PLXNA4: variants seen among roughly 807,000 people sequenced by gnomAD.
The protein encoded by PLXNA4 is plexin-A4.
In PLXNA4, 44 loss-of-function variants were observed where a neutral mutation model predicts 191.8. The ratio of observed to expected loss-of-function variants is 0.23; its 90% CI spans 0.18 to 0.29. The LOEUF (loss-of-function observed/expected upper bound fraction) is 0.29. Ranked by LOEUF, PLXNA4 falls within the 10% of genes least tolerant of loss-of-function variation. PLXNA4 has a pLI of 1.00. For synonymous variants in PLXNA4, 1,082 were observed against 1,009.5 expected, an observed-to-expected ratio of 1.07 and a Z score of -1.36; for missense variants, 1,800 against 2,488.8, an observed-to-expected ratio of 0.72 and a Z score of 5.89.
intron 20 of PLXNA4, among the ~76,000 whole-genome samples, chr7:132,176,580 GAC>G (rs1162828671): frequency 6.7e-6 from 1 of 149,072 alleles, no homozygotes; most frequent in Non-Finnish European, 1.5e-5. Flanking sequence ...GTGTGAGTAT[GAC>G]AGTGTGTGAG....
intron 4 of PLXNA4, among the ~76,000 whole-genome samples, chr7:132,248,477 C>T (rs1799134631): frequency 6.6e-6 from 1 of 152,100 alleles, no homozygotes; most frequent in Admixed American, 6.5e-5. Context: ...ATGCAAAGGT[C>T]CCGTGAAAGG....
chr7:132,441,198 C>G (rs1795686755), intron 3 of PLXNA4, among the ~76,000 whole-genome samples: 1 of 152,200 alleles, frequency 6.6e-6, no homozygotes, highest in South Asian at 2.1e-4. Context: ...TCTCTGCCTG[C>G]TAGCTCCCAC....
chr7:132,546,458 G>C (rs1800310325), intron 1 of PLXNA4, among the ~76,000 whole-genome samples: 1 of 152,138 alleles, frequency 6.6e-6, no homozygotes, highest in South Asian at 2.1e-4. Context: ...TAGAACTCTG[G>C]TGAAAGCCAT....
chr7:132,364,825 T>C lies in PLXNA4; in HGVS notation c.1372-66603A>G, dbSNP rs145049834. 5.7e-3 allele frequency among the ~76,000 whole-genome samples: 871 copies of C among 152,344 alleles called. 9 individuals carry two copies. Among genetic ancestry groups the C allele is most frequent in the African/African-American group, 0.02 (838 of 41,562 alleles). On this transcript the variant is annotated intron_variant, in intron 3 of 31. Coordinates refer to ENST00000321063, the MANE Select transcript of PLXNA4 (RefSeq NM_020911.2). ...TCCTAGGGCTGATACTTCTAGTGTG[T>C]GAATTTAGGAAAATTATTACAATAA... is the stretch of plus-strand genomic sequence containing the variant.
At chr7:132,216,506 A>G (rs897638069) in intron 9 of PLXNA4, among the ~76,000 whole-genome samples, 1 of 152,216 alleles carries the variant, frequency 6.6e-6, no homozygotes, top group Non-Finnish European at 1.5e-5. Flanking sequence ...GCAACCTGGT[A>G]TGGTTGTCCA....
chr7:132,439,820 C>CCTG (rs1484117202), intron 3 of PLXNA4, among the ~76,000 whole-genome samples: 1 of 152,210 alleles, frequency 6.6e-6, no homozygotes, highest in African/African-American at 2.4e-5. Flanking sequence ...TCCTCTAGGC[C>CCTG]CTGCTGAGTA....
chr7:132,578,700 T>G (rs1283678418), upstream of PLXNA4, among the ~76,000 whole-genome samples: 1 of 152,132 alleles, frequency 6.6e-6, no homozygotes, highest in Non-Finnish European at 1.5e-5. Flanking sequence ...CAAGCCAGAA[T>G]GAGGAGGAAA....
chr7:132,408,385 T>C (rs867006606), intron 3 of PLXNA4, among the ~76,000 whole-genome samples: 6 of 152,186 alleles, frequency 3.9e-5, no homozygotes, highest in Admixed American at 1.3e-4. Flanking sequence ...TTCTTATAGA[T>C]TTCTAAATGT....
intron 3 of PLXNA4, among the ~76,000 whole-genome samples, chr7:132,338,806 C>T (rs1015667765): frequency 6.6e-6 from 1 of 152,156 alleles, no homozygotes; most frequent in African/African-American, 2.4e-5. Flanking sequence ...CAACCCCAAC[C>T]ACCCACTTCC....
intron 4 of PLXNA4, among the ~76,000 whole-genome samples, chr7:132,297,198 G>A (rs1054980470): frequency 6.6e-6 from 1 of 152,078 alleles, no homozygotes; most frequent in Non-Finnish European, 1.5e-5. Flanking sequence ...CCTCATGGCC[G>A]CTGCTGCCAC....
At position 132,508,445 on chromosome 7, in the gene PLXNA4, C is replaced by T. The variant is rs768559190; in HGVS notation, c.249G>A (p.Thr83=). 7.4e-6 allele frequency: 12 copies of T among 1,614,194 alleles called. No individual in the cohort carries two copies. The East Asian group carries it at 1.6e-4, about 21-fold the overall frequency. The change falls in exon 2 of 32, where the codon ACG becomes ACA. Residue 83 remains threonine, a synonymous_variant. Coordinates refer to ENST00000321063, the MANE Select transcript of PLXNA4 (RefSeq NM_020911.2). This position sits in a 1 kb window ranked among gnomAD's most constrained non-coding sequence, Gnocchi z 4.4. Reference sequence around the variant, plus strand: ...TGTCCTCGTCCGGCCCTGTCTCATGCGTCACCAAGACCTTCAGGTCGCTGG... The same window carrying T: ...TGTCCTCGTCCGGCCCTGTCTCATGTGTCACCAAGACCTTCAGGTCGCTGG... ...KLSSDLKVLV[T]HETGPDEDNP...
chr7:132,635,181 T>C (rs1442241345), intron 2 of PLXNA4, among the ~76,000 whole-genome samples: 1 of 131,372 alleles, frequency 7.6e-6, no homozygotes, highest in Non-Finnish European at 1.5e-5. Flanking sequence ...TATATATATA[T>C]ATATATATAT....
chr7:132,500,646 G>A (rs79223384), intron 2 of PLXNA4, among the ~76,000 whole-genome samples: 3 of 152,178 alleles, frequency 2.0e-5, no homozygotes, highest in East Asian at 1.9e-4. Flanking sequence ...ATATTATTAC[G>A]CCCCTTTCTG....
intron 3 of PLXNA4, among the ~76,000 whole-genome samples, chr7:132,401,389 A>G (rs1793978785): frequency 6.6e-6 from 1 of 152,208 alleles, no homozygotes; most frequent in Non-Finnish European, 1.5e-5. Context: ...AGAGTTTTAA[A>G]AGCTCCCTAG....
intron 9 of PLXNA4, among the ~76,000 whole-genome samples, chr7:132,215,364 A>T (rs1467015591): frequency 6.6e-6 from 1 of 152,258 alleles, no homozygotes; most frequent in Non-Finnish European, 1.5e-5. Flanking sequence ...TATTCATAAA[A>T]TGAAGGGATT....
At chr7:132,140,839 AG>A in intron 29 of PLXNA4, 28 bp from the exon 30 acceptor site, 4 of 1,612,538 alleles carry the variant, frequency 2.5e-6, no homozygotes, top group Non-Finnish European at 3.4e-6. Context: ...GCAGATGGTC[AG>A]GAAAGACGGG....
chr7:132,469,341 G>T (rs999778959), intron 3 of PLXNA4, among the ~76,000 whole-genome samples: 1 of 152,122 alleles, frequency 6.6e-6, no homozygotes, highest in Non-Finnish European at 1.5e-5. Flanking sequence ...GACCATACAT[G>T]TGTAAAGCAT....
At chr7:132,280,913 G>A (rs1554405317) in intron 4 of PLXNA4, among the ~76,000 whole-genome samples, 1 of 151,814 alleles carries the variant, frequency 6.6e-6, no homozygotes, top group Non-Finnish European at 1.5e-5. Flanking sequence ...CACCTACAAT[G>A]CACATATATT....
Position 132,507,938 on chromosome 7 carries a change from G to T in PLXNA4, c.756C>A (p.Asn252Lys). The change falls in exon 2 of 32, where the codon AAC (asparagine) becomes AAA (lysine). Residue 252 changes from asparagine (N) to lysine (K), a missense_variant. Coordinates refer to ENST00000321063, the MANE Select transcript of PLXNA4 (RefSeq NM_020911.2). ...IYYVYGFSSG[N>K]FVYFLTLQPE... is the part of the protein sequence containing the mutation. ...GTTGGAGGGTCAAAAAGTAGACAAAGTTGCCACTGCTAAAACCATAGACAT... is the reference window on the plus strand; with the variant it reads ...GTTGGAGGGTCAAAAAGTAGACAAATTTGCCACTGCTAAAACCATAGACAT... 6.2e-7 allele frequency: 1 copy of T among 1,614,176 alleles called. No individual in the cohort carries two copies. Among genetic ancestry groups the T allele is most frequent in the Non-Finnish European group, 8.5e-7 (1 of 1,180,040 alleles).
Sources: allele counts gnomAD v4.1 joint callset (sites outside exome capture counted in the v4.1 genomes callset), GRCh38; gene constraint gnomAD v4.1.1; non-coding constraint Gnocchi (gnomAD v3.1); transcripts MANE v1.5; gene names NCBI Gene and HGNC (gene_info 2026-07-23, HGNC 2026-07-21).